Variants in HKDC1 observed in about 807,000 individuals in gnomAD.
HKDC1 encodes the protein hexokinase HKDC1.
A neutral mutation model predicts 96.6 loss-of-function variants in HKDC1; 66 were observed. The observed-to-expected ratio is 0.68, with a 90% CI of 0.56 to 0.84. The LOEUF (loss-of-function observed/expected upper bound fraction) is 0.84, where lower values mean the gene tolerates loss of function less well. Among genes scored for constraint, HKDC1 ranks in the 40% least tolerant of loss-of-function variants. The probability of loss-of-function intolerance (pLI) is 0.00; values close to 1 mark genes in which losing one functional copy is unlikely to be tolerated. For missense variants in HKDC1, 1,211 were observed against 1,208.1 expected (o/e 1.00, Z -0.04); for synonymous variants, 466 against 473.1 (o/e 0.98, Z 0.20).
intron 1 of HKDC1, among the ~76,000 whole-genome samples, chr10:69,224,044 C>CA (rs1319992847): frequency 1.3e-5 from 2 of 150,156 alleles, no homozygotes; most frequent in Non-Finnish European, 3.0e-5. Flanking sequence ...TCTGTCTCTA[C>CA]AAAAAATGCA....
Position 69,238,924 on chromosome 10 carries a change from T to G in HKDC1, c.496-118T>G, listed in dbSNP as rs975042059. 10 of 597,776 alleles carry G rather than the reference T, an allele frequency of 1.7e-5. No individual in the cohort carries two copies. The Admixed American group carries it at 2.4e-4, about 14-fold the overall frequency. 37.0% of individuals were successfully genotyped at this position (597,776 alleles called of 1,614,324 possible). On this transcript the variant is annotated intron_variant, in intron 4 of 17. Transcript: ENST00000354624. Reference sequence around the variant, plus strand: ...AAGCAATGTTTTAAAAAAATTGGGGTGATTCAGCTTAGAGAAGAGAAGGCC... The same window carrying G: ...AAGCAATGTTTTAAAAAAATTGGGGGGATTCAGCTTAGAGAAGAGAAGGCC...
At chr10:69,265,482 C>A in intron 16 of HKDC1, 103 bp from the exon 17 acceptor site, 1 of 990,538 alleles carries the variant, frequency 1.0e-6, no homozygotes, top group Non-Finnish European at 1.5e-6. Flanking sequence ...AATTTCTCCT[C>A]CCTCCTGTAA....
rs376814835 is a variant in HKDC1, at chr10:69,250,587, A to G, written c.1771A>G (p.Lys591Glu). The G allele has an allele frequency of 2.5e-6, 4 of 1,613,964 alleles. No homozygotes were observed. Among genetic ancestry groups the G allele is most frequent in the African/African-American group, 2.7e-5 (2 of 74,914 alleles). The change falls in exon 12 of 18, where the codon AAG becomes GAG. Residue 591 changes from lysine to glutamate, a missense_variant. Physicochemically the swap from Lys to Glu is moderately conservative, Grantham distance 56. Transcript: ENST00000354624. ...CGACTTCCTGGACTACATGGGCCTC[A>G]AGGGAGCCTCCCTACCTTTGGGCTT... ...IADFLDYMGL[K>E]GASLPLGFTF... is the part of the protein sequence containing the mutation.
intron 1 of HKDC1, among the ~76,000 whole-genome samples, chr10:69,221,858 G>T (rs188147867): frequency 6.6e-6 from 1 of 151,782 alleles, no homozygotes; most frequent in Admixed American, 6.6e-5. Context: ...GCTTGAGCCC[G>T]GGAGACTGCG....
intron 4 of HKDC1, among the ~76,000 whole-genome samples, chr10:69,236,210 G>A (rs995572127): frequency 6.6e-6 from 1 of 151,210 alleles, no homozygotes; most frequent in Non-Finnish European, 1.5e-5. Flanking sequence ...CCAGGTTCAG[G>A]CAATTCTCCT....
At chr10:69,231,208 T>C (rs574981289) in intron 2 of HKDC1, among the ~76,000 whole-genome samples, 1 of 152,290 alleles carries the variant, frequency 6.6e-6, no homozygotes, top group Admixed American at 6.5e-5. Flanking sequence ...CTTCTTTTGT[T>C]AAACCCTCAG....
chr10:69,259,466 A>G (rs1030477219), intron 15 of HKDC1, among the ~76,000 whole-genome samples: 6 of 152,234 alleles, frequency 3.9e-5, no homozygotes, highest in African/African-American at 1.4e-4. Context: ...AAAAATACTG[A>G]AAATAATGAA....
intron 1 of HKDC1, among the ~76,000 whole-genome samples, chr10:69,226,709 A>G (rs1843162214): frequency 6.6e-6 from 1 of 152,188 alleles, no homozygotes; most frequent in Admixed American, 6.5e-5. Context: ...GCTTTTGGAA[A>G]TGAAATTTAG....
chr10:69,223,726 C>T (rs1407655069), intron 1 of HKDC1, among the ~76,000 whole-genome samples: 1 of 150,510 alleles, frequency 6.6e-6, no homozygotes, highest in Non-Finnish European at 1.5e-5. Context: ...GCTGGGATCA[C>T]AGGCCGCACC....
chr10:69,262,020 G>A (rs1843817700), intron 16 of HKDC1: 1 of 393,348 alleles, frequency 2.5e-6, no homozygotes, highest in Non-Finnish European at 5.1e-6. Flanking sequence ...TATTTTCTAG[G>A]TGGCATTGAG....
chr10:69,262,674 T>TA (rs752880162), intron 16 of HKDC1, among the ~76,000 whole-genome samples: 1 of 152,196 alleles, frequency 6.6e-6, no homozygotes, highest in Non-Finnish European at 1.5e-5. Context: ...ATGGGCTGTT[T>TA]AAGGGGAGTT....
chr10:69,241,430 A>C (rs1367066012), intron 6 of HKDC1, among the ~76,000 whole-genome samples: 4 of 152,086 alleles, frequency 2.6e-5, no homozygotes, highest in Non-Finnish European at 5.9e-5. Flanking sequence ...CCTGAGGGAG[A>C]CTGGAAGGCA....
At position 69,232,035 on chromosome 10, in the gene HKDC1, A is replaced by G. The variant is rs1057151150; in HGVS notation, c.227-729A>G. ...GGTCTACAGACCAGCAACAGCAGCA[A>G]CATCACCAAGTTGGCCAGGCTGTTC... On this transcript the variant is annotated intron_variant, in intron 2 of 17. Transcript: ENST00000354624. Among the ~76,000 whole-genome samples, 3 of 152,202 alleles carry G rather than the reference A, an allele frequency of 2.0e-5. No individual in the cohort carries two copies. In the East Asian group the frequency reaches 5.8e-4, roughly 29 times the overall value.
At chr10:69,258,704 G>T in intron 14 of HKDC1, 72 bp from the exon 15 acceptor site, 1 of 1,452,264 alleles carries the variant, frequency 6.9e-7, no homozygotes, top group Non-Finnish European at 9.7e-7. Flanking sequence ...ATTCTTATTT[G>T]CTGCACTCTG....
intron 2 of HKDC1, among the ~76,000 whole-genome samples, 194 bp downstream of exon 2, chr10:69,227,563 G>A (rs10762266): frequency 2.7e-5 from 4 of 145,880 alleles, no homozygotes; most frequent in Non-Finnish European, 6.0e-5. Context: ...CCCAGGCACC[G>A]TGGCTTCTCT....
At chr10:69,265,146 A>G (rs1564738905) in intron 16 of HKDC1, among the ~76,000 whole-genome samples, 1 of 152,180 alleles carries the variant, frequency 6.6e-6, no homozygotes, top group Non-Finnish European at 1.5e-5. Flanking sequence ...CTCCAATTGA[A>G]GGGGGCCAGA....
intron 14 of HKDC1, among the ~76,000 whole-genome samples, chr10:69,257,671 G>A (rs754132011): frequency 2.5e-4 from 37 of 148,458 alleles, no homozygotes; most frequent in Non-Finnish European, 4.6e-4. Flanking sequence ...TAAGGACCTT[G>A]GGGCCAATTG....
chr10:69,220,956 C>T (rs1156442142), intron 1 of HKDC1, among the ~76,000 whole-genome samples: 3 of 152,156 alleles, frequency 2.0e-5, no homozygotes, highest in African/African-American at 7.2e-5. Flanking sequence ...TCGAGACCAG[C>T]CTGGCCAACA....
intron 6 of HKDC1, among the ~76,000 whole-genome samples, chr10:69,241,822 G>A (rs1233163025): frequency 1.3e-5 from 2 of 152,160 alleles, no homozygotes; most frequent in East Asian, 3.9e-4. Flanking sequence ...TGGCTGCTGT[G>A]TGGATAATAG....
Sources: gnomAD v4.1 joint callset for allele counts (sites outside exome capture counted in the v4.1 genomes callset) on GRCh38, gnomAD v4.1.1 for gene constraint, MANE v1.5 for transcripts, NCBI Gene and HGNC (gene_info 2026-07-23, HGNC 2026-07-21) for gene names.